The following ANKS1B variants were observed in gnomAD, a reference collection of about 807,000 sequenced individuals.
ANKS1B encodes ankyrin repeat and sterile alpha motif domain containing 1B.
Under a neutral mutation model 148.3 loss-of-function variants are expected in ANKS1B, and 36 were observed. The observed-to-expected ratio is 0.24, with a 90% CI of 0.19 to 0.32. The LOEUF (loss-of-function observed/expected upper bound fraction) is 0.32. ANKS1B is among the 10% of genes least tolerant of loss of function. The pLI is 1.00. For missense variants in ANKS1B, 1,157 were observed against 1,542.6 expected, an observed-to-expected ratio of 0.75 and a Z score of 4.19; for synonymous variants, 542 against 560.8, an observed-to-expected ratio of 0.97 and a Z score of 0.47.
intron 12 of ANKS1B, among the ~76,000 whole-genome samples, chr12:99,372,708 C>G (rs190435673): frequency 4.6e-5 from 7 of 151,990 alleles, no homozygotes; most frequent in African/African-American, 1.7e-4. Context: ...TTTTTATATG[C>G]GACAATTTCT....
At chr12:99,279,518 A>G (rs2078112343) in intron 12 of ANKS1B, among the ~76,000 whole-genome samples, 1 of 152,080 alleles carries the variant, frequency 6.6e-6, no homozygotes, top group African/African-American at 2.4e-5. Flanking sequence ...CTCTCTCTAT[A>G]GATTTGCCTA....
intron 25 of ANKS1B, among the ~76,000 whole-genome samples, chr12:98,756,261 G>T (rs937916777): frequency 1.3e-5 from 2 of 152,120 alleles, no homozygotes; most frequent in African/African-American, 4.8e-5. Context: ...TAGTGAATAA[G>T]TCTCACAAGA....
At chr12:98,867,188 A>T (rs972645380) in intron 17 of ANKS1B, among the ~76,000 whole-genome samples, 4 of 152,110 alleles carry the variant, frequency 2.6e-5, no homozygotes, top group African/African-American at 9.7e-5. Context: ...TCCAGTGACT[A>T]TGGGTTAGGA....
chr12:99,372,661 T>C (rs2093202140), intron 12 of ANKS1B, among the ~76,000 whole-genome samples: 1 of 152,132 alleles, frequency 6.6e-6, no homozygotes, highest in African/African-American at 2.4e-5. Flanking sequence ...CTTCCTCCCC[T>C]AGTTTTATAC....
intron 1 of ANKS1B, among the ~76,000 whole-genome samples, chr12:99,940,239 G>A (rs1370725848): frequency 6.6e-6 from 1 of 152,120 alleles, no homozygotes; most frequent in African/African-American, 2.4e-5. Context: ...TGAGTGCCCT[G>A]TTTGTGAACA....
At chr12:99,084,835 A>T (rs2051075118) in intron 16 of ANKS1B, 90 bp downstream of exon 16, 1 of 966,290 alleles carries the variant, frequency 1.0e-6, no homozygotes, top group Non-Finnish European at 1.6e-6. Flanking sequence ...ATGTAGAACT[A>T]CTGTACTAAA....
chr12:99,632,270 G>T (rs2098168686), intron 9 of ANKS1B, among the ~76,000 whole-genome samples: 2 of 152,002 alleles, frequency 1.3e-5, no homozygotes, highest in South Asian at 2.1e-4. Context: ...GTGGAGGCTT[G>T]GCAGCCTCCA....
chr12:98,882,426 A>G (rs2099710434), intron 17 of ANKS1B, among the ~76,000 whole-genome samples: 2 of 152,198 alleles, frequency 1.3e-5, no homozygotes, highest in African/African-American at 4.8e-5. Context: ...AGGTATCGCA[A>G]TGCTTTTGAT....
At chr12:99,217,451 T>C (rs1407203255) in intron 14 of ANKS1B, among the ~76,000 whole-genome samples, 5 of 152,170 alleles carry the variant, frequency 3.3e-5, no homozygotes, top group Non-Finnish European at 7.3e-5. Context: ...CTGTTCATTC[T>C]GACTGCCTGG....
intron 1 of ANKS1B, among the ~76,000 whole-genome samples, chr12:99,876,064 T>C (rs754964857): frequency 6.6e-6 from 1 of 152,146 alleles, no homozygotes; most frequent in African/African-American, 2.4e-5. Context: ...ACTGCTTCGA[T>C]TGAGGTAGGG....
intron 11 of ANKS1B, among the ~76,000 whole-genome samples, chr12:99,427,697 T>C (rs1326784406): frequency 1.3e-5 from 2 of 152,218 alleles, no homozygotes; most frequent in Admixed American, 6.5e-5. Flanking sequence ...TTATTACCTG[T>C]ACTATGATGA....
chr12:99,588,412 T>TC (rs1212043479), intron 9 of ANKS1B, among the ~76,000 whole-genome samples: 1 of 115,278 alleles, frequency 8.7e-6, no homozygotes, highest in Non-Finnish European at 1.8e-5. Context: ...AAAAATGTAA[T>TC]CTTTTTTTTT....
At chr12:99,332,796 T>C (rs192119388) in intron 12 of ANKS1B, among the ~76,000 whole-genome samples, 5 of 151,996 alleles carry the variant, frequency 3.3e-5, no homozygotes, top group African/African-American at 1.2e-4. Context: ...GGAAACAATC[T>C]TAACAAAGGC....
intron 8 of ANKS1B, among the ~76,000 whole-genome samples, chr12:99,768,846 A>AC (rs1379079699): frequency 6.6e-6 from 1 of 150,636 alleles, no homozygotes; most frequent in Non-Finnish European, 1.5e-5. Context: ...AAAAAAAAAA[A>AC]AACACATCAG....
intron 8 of ANKS1B, among the ~76,000 whole-genome samples, chr12:99,658,953 A>G (rs1184633822): frequency 2.0e-5 from 3 of 152,196 alleles, no homozygotes; most frequent in African/African-American, 7.2e-5. Context: ...TGCATAATGA[A>G]ACAATAAATA....
intron 17 of ANKS1B, among the ~76,000 whole-genome samples, chr12:98,879,570 T>C (rs192662296): frequency 6.6e-6 from 1 of 152,350 alleles, no homozygotes; most frequent in East Asian, 1.9e-4. Flanking sequence ...TTTTTCTTTA[T>C]GTATTTCTCT....
At chr12:99,123,514 A>G (rs779418851) in intron 15 of ANKS1B, among the ~76,000 whole-genome samples, 2 of 152,158 alleles carry the variant, frequency 1.3e-5, no homozygotes, top group African/African-American at 4.8e-5. Flanking sequence ...TCACAAGATC[A>G]TAAGGTGAAG....
intron 12 of ANKS1B, among the ~76,000 whole-genome samples, chr12:99,383,849 C>CAAAAAAAA (rs1160915276): frequency 5.1e-5 from 4 of 77,716 alleles, no homozygotes; most frequent in African/African-American, 1.8e-4. Context: ...CCCATCTCTA[C>CAAAAAAAA]AAAAAAAAAA....
chr12:98,906,489 G>T (rs996238392), intron 17 of ANKS1B, among the ~76,000 whole-genome samples: 6 of 152,200 alleles, frequency 3.9e-5, no homozygotes, highest in Non-Finnish European at 8.8e-5. Flanking sequence ...CCACCTAAAA[G>T]GGAGGATCCA....
Sources: allele counts gnomAD v4.1 joint callset (sites outside exome capture counted in the v4.1 genomes callset), GRCh38; gene constraint gnomAD v4.1.1; transcripts MANE v1.5; gene names NCBI Gene and HGNC (gene_info 2026-07-23, HGNC 2026-07-21).